ST18: variants seen among roughly 807,000 people sequenced by gnomAD.
ST18 encodes the protein suppression of tumorigenicity 18 protein.
A neutral mutation model predicts 110.0 loss-of-function variants in ST18; 50 were observed. The ratio of observed to expected loss-of-function variants is 0.45; its 90% CI spans 0.36 to 0.58. The LOEUF is 0.58. Among genes scored for constraint, ST18 ranks in the 20% least tolerant of loss-of-function variants. The pLI, the probability that ST18 is intolerant of heterozygous loss-of-function variation, is 0.00. For missense variants in ST18, 1,306 were observed against 1,280.1 expected, an observed-to-expected ratio of 1.02 and a Z score of -0.31; for synonymous variants, 461 against 452.4, an observed-to-expected ratio of 1.02 and a Z score of -0.24.
At chr8:52,323,011 G>A (rs1451451613) in intron 2 of ST18, among the ~76,000 whole-genome samples, 1 of 152,198 alleles carries the variant, frequency 6.6e-6, no homozygotes, top group South Asian at 2.1e-4. Flanking sequence ...TGGCCTCAGA[G>A]CTCCAGAGCA....
intron 2 of ST18, among the ~76,000 whole-genome samples, chr8:52,382,141 C>T (rs999333): frequency 0.95 from 145,148 of 152,210 alleles, 69,585 homozygotes; most frequent in East Asian, 1. Context: ...CCTTCTGGCA[C>T]CCAAACCTGG....
At chr8:52,195,564 G>C (rs1334076730) in intron 8 of ST18, among the ~76,000 whole-genome samples, 1 of 151,960 alleles carries the variant, frequency 6.6e-6, no homozygotes, top group African/African-American at 2.4e-5. Flanking sequence ...CTATATTTGA[G>C]GAAGGAATAT....
intron 22 of ST18, among the ~76,000 whole-genome samples, chr8:52,128,815 G>C (rs2048091557): frequency 6.6e-6 from 1 of 152,066 alleles, no homozygotes; most frequent in Non-Finnish European, 1.5e-5. Context: ...TTCATCTTCT[G>C]TCAACTGAGG....
At chr8:52,190,735 G>A (rs537336101) in intron 8 of ST18, among the ~76,000 whole-genome samples, 2 of 152,282 alleles carry the variant, frequency 1.3e-5, no homozygotes, top group African/African-American at 4.8e-5. Context: ...CGGAGAATCT[G>A]GATAACCCAC....
At chr8:52,215,604 C>CAGCAA (rs2083886790) in intron 6 of ST18, among the ~76,000 whole-genome samples, 1 of 152,238 alleles carries the variant, frequency 6.6e-6, no homozygotes, top group Non-Finnish European at 1.5e-5. Context: ...AAAAAGTGTT[C>CAGCAA]ACTGCCTTTG....
At chr8:52,170,766 C>T (rs993910569) in intron 10 of ST18, among the ~76,000 whole-genome samples, 5 of 152,084 alleles carry the variant, frequency 3.3e-5, no homozygotes, top group Non-Finnish European at 7.4e-5. Flanking sequence ...TACATGACAC[C>T]GTTTTATCCT....
At chr8:52,355,573 C>A (rs1822342612) in intron 2 of ST18, among the ~76,000 whole-genome samples, 1 of 152,198 alleles carries the variant, frequency 6.6e-6, no homozygotes, top group South Asian at 2.1e-4. Context: ...AAGCTGGCAA[C>A]AACTGTCAGA....
intron 9 of ST18, among the ~76,000 whole-genome samples, chr8:52,177,995 T>C (rs947322371): frequency 1.3e-5 from 2 of 152,220 alleles, no homozygotes; most frequent in African/African-American, 4.8e-5. Context: ...ATATGAAATA[T>C]AAACATAGTT....
At chr8:52,352,780 C>T (rs1048015134) in intron 2 of ST18, among the ~76,000 whole-genome samples, 1 of 152,190 alleles carries the variant, frequency 6.6e-6, no homozygotes, top group Non-Finnish European at 1.5e-5. Context: ...CGGGACTGCG[C>T]AAAACATTGC....
intron 2 of ST18, among the ~76,000 whole-genome samples, chr8:52,378,455 T>C (rs1422043295): frequency 6.6e-6 from 1 of 152,238 alleles, no homozygotes; most frequent in African/African-American, 2.4e-5. Flanking sequence ...CCATTCTTAC[T>C]AAAATGTCTG....
chr8:52,121,609 A>G (rs1174915353), intron 23 of ST18, among the ~76,000 whole-genome samples: 1 of 152,218 alleles, frequency 6.6e-6, no homozygotes, highest in East Asian at 1.9e-4. Context: ...CAAAGTATGG[A>G]TGGGAAGCCA....
At chr8:52,407,034 A>T (rs1844763186) in intron 2 of ST18, 1 of 152,252 alleles carries the variant, frequency 6.6e-6, no homozygotes, top group African/African-American at 2.4e-5. Context: ...GATCATCTTA[A>T]ATGCCAACTT....
At chr8:52,192,339 C>A (rs143046805) in intron 8 of ST18, among the ~76,000 whole-genome samples, 11 of 152,354 alleles carry the variant, frequency 7.2e-5, no homozygotes, top group African/African-American at 2.6e-4. Context: ...GCCTTCTCTG[C>A]CTTCAGAGCC....
chr8:52,170,452 C>CAATA (rs562661652), intron 10 of ST18, among the ~76,000 whole-genome samples: 22,101 of 127,728 alleles, frequency 0.17, 1,869 homozygotes, highest in Non-Finnish European at 0.19. Flanking sequence ...ACTCAAAAAT[C>CAATA]AATAAATAAA....
At chr8:52,276,145 G>GCACA (rs1418666014) in intron 2 of ST18, among the ~76,000 whole-genome samples, 247 of 12,280 alleles carry the variant, frequency 0.02, no homozygotes, top group Admixed American at 0.023. Flanking sequence ...CACACCACAT[G>GCACA]CACACCACGC....
intron 2 of ST18, among the ~76,000 whole-genome samples, chr8:52,367,234 TCTCA>T (rs1428065522): frequency 1.2e-4 from 13 of 104,526 alleles, no homozygotes; most frequent in Admixed American, 8.3e-4. Context: ...CGGGACCCTG[TCTCA>T]CACACACACA....
chr8:52,157,149 T>C (rs1480904523), intron 15 of ST18, among the ~76,000 whole-genome samples: 1 of 152,220 alleles, frequency 6.6e-6, no homozygotes, highest in Non-Finnish European at 1.5e-5. Flanking sequence ...AACAATTGCT[T>C]TTCTAACCAA....
At chr8:52,178,614 C>CAAAAAAAAAAAAAAAAAAAA (rs869184166) in intron 9 of ST18, among the ~76,000 whole-genome samples, 1 of 2,384 alleles carries the variant, frequency 4.2e-4, no homozygotes, top group Non-Finnish European at 6.6e-4. Flanking sequence ...GAGACTCCAT[C>CAAAAAAAAAAAAAAAAAAAA]AAAAAAAAAA....
intron 7 of ST18, among the ~76,000 whole-genome samples, 156 bp downstream of exon 7, chr8:52,214,047 T>C (rs2083190555): frequency 6.6e-6 from 1 of 152,140 alleles, no homozygotes; most frequent in Non-Finnish European, 1.5e-5. Flanking sequence ...ATATTTTGCC[T>C]CTCCGTGCCA....
Sources: allele counts gnomAD v4.1 joint callset (sites outside exome capture counted in the v4.1 genomes callset), GRCh38; gene constraint gnomAD v4.1.1; transcripts MANE v1.5; gene names NCBI Gene and HGNC (gene_info 2026-07-23, HGNC 2026-07-21).